The following RIMS1 variants were observed in gnomAD, a reference collection of about 807,000 sequenced individuals.
RIMS1 encodes the protein regulating synaptic membrane exocytosis protein 1.
A neutral mutation model predicts 214.1 loss-of-function variants in RIMS1; 83 were observed. That is an observed-to-expected ratio of 0.39 (90% CI 0.32 to 0.47). The LOEUF is 0.47. Among genes scored for constraint, RIMS1 ranks in the 20% least tolerant of loss-of-function variants. The probability of loss-of-function intolerance (pLI) is 0.99; values close to 1 mark genes in which losing one functional copy is unlikely to be tolerated. For missense variants in RIMS1, 2,050 were observed against 2,161.8 expected (o/e 0.95, Z 1.03); for synonymous variants, 793 against 786.8 (o/e 1.01, Z -0.13).
chr6:72,227,187 G>A (rs1271492413), intron 6 of RIMS1, among the ~76,000 whole-genome samples: 1 of 151,860 alleles, frequency 6.6e-6, no homozygotes, highest in Non-Finnish European at 1.5e-5. Context: ...ACATAATGAA[G>A]TTTTGTTGAT....
chr6:72,324,892 C>G (rs2096381145), intron 28 of RIMS1, among the ~76,000 whole-genome samples: 1 of 151,850 alleles, frequency 6.6e-6, no homozygotes, highest in Non-Finnish European at 1.5e-5. Flanking sequence ...TATTTACTAT[C>G]TGGCCCTTTA....
chr6:72,271,038 C>T (rs780040537), intron 22 of RIMS1, among the ~76,000 whole-genome samples: 7 of 151,810 alleles, frequency 4.6e-5, no homozygotes, highest in Non-Finnish European at 7.4e-5. Context: ...GAGGCTGAGG[C>T]GGGCAGATCA....
chr6:71,977,988 A>T (rs1371851660), intron 2 of RIMS1, among the ~76,000 whole-genome samples: 2 of 152,186 alleles, frequency 1.3e-5, no homozygotes, highest in East Asian at 3.8e-4. Flanking sequence ...TGTGGCAGTT[A>T]AGGCAAAATA....
At chr6:72,323,782 A>G (rs2096292085) in intron 28 of RIMS1, among the ~76,000 whole-genome samples, 1 of 151,970 alleles carries the variant, frequency 6.6e-6, no homozygotes, top group Non-Finnish European at 1.5e-5. Flanking sequence ...TAATCAAAGT[A>G]CAGAAAACTA....
chr6:72,165,424 A>G lies in RIMS1; in HGVS notation c.472-14151A>G, dbSNP rs190292734. On this transcript the variant is annotated intron_variant, in intron 4 of 33. Coordinates refer to ENST00000521978, the MANE Select transcript of RIMS1 (RefSeq NM_014989.7). Reference sequence around the variant, plus strand: ...AATATGTGCCTTACACATCCACTCCATTATCTCTGTATCTCCTGTGGGTCG... The same window carrying G: ...AATATGTGCCTTACACATCCACTCCGTTATCTCTGTATCTCCTGTGGGTCG... Among the ~76,000 whole-genome samples, 11 of 151,918 alleles carry G rather than the reference A, an allele frequency of 7.2e-5. No individual in the cohort carries two copies. In the East Asian group the frequency reaches 1.7e-3, roughly 24 times the overall value.
chr6:71,993,138 G>T (rs1802391830), intron 2 of RIMS1, among the ~76,000 whole-genome samples: 1 of 152,180 alleles, frequency 6.6e-6, no homozygotes, highest in Non-Finnish European at 1.5e-5. Context: ...AGGTAAAGCT[G>T]CTTCTTGATG....
chr6:72,004,514 C>T (rs1263137918), intron 2 of RIMS1, among the ~76,000 whole-genome samples: 2 of 151,090 alleles, frequency 1.3e-5, no homozygotes, highest in Admixed American at 6.6e-5. Context: ...TATTTCTCCA[C>T]ATCCTCTCCA....
At chr6:72,057,502 T>TTC (rs1826566515) in intron 2 of RIMS1, among the ~76,000 whole-genome samples, 1 of 149,558 alleles carries the variant, frequency 6.7e-6, no homozygotes, top group Non-Finnish European at 1.5e-5. Flanking sequence ...CTTTTTCTTT[T>TTC]TTTTTTTTTT....
chr6:72,114,657 A>T (rs2036726156), intron 4 of RIMS1, among the ~76,000 whole-genome samples: 1 of 151,922 alleles, frequency 6.6e-6, no homozygotes, highest in South Asian at 2.1e-4. Context: ...GCACTCAGTG[A>T]ACTTTGAATG....
In RIMS1 at chr6:72,177,859, A is replaced by C. The variant is rs568170024; in HGVS notation, c.472-1716A>C. On this transcript the variant is annotated intron_variant, in intron 4 of 33. Coordinates refer to ENST00000521978, the MANE Select transcript of RIMS1 (RefSeq NM_014989.7). ...ACTGCACCTTTTAATGTTACCCTTA[A>C]TATGTCCATGTTCAAACAATCAGGA... 2.0e-5 allele frequency among the ~76,000 whole-genome samples: 3 copies of C among 152,258 alleles called. No individual in the cohort carries two copies. In the East Asian group the frequency reaches 5.8e-4, roughly 29 times the overall value.
chr6:72,117,137 G>A lies in RIMS1; in HGVS notation c.471+17151G>A, dbSNP rs185357090. On this transcript the variant is annotated intron_variant, in intron 4 of 33. Transcript: ENST00000521978. ...AATCTTCTGAGGTGCTTGTTTAAAG[G>A]TAGATTTGTTGGTGTCACTCCCAGA... is the stretch of plus-strand genomic sequence containing the variant. Among the ~76,000 whole-genome samples, 30 of 151,996 alleles carry A rather than the reference G, an allele frequency of 2.0e-4. No individual in the cohort carries two copies. In the East Asian group the frequency reaches 5.6e-3, roughly 28 times the overall value.
intron 2 of RIMS1, among the ~76,000 whole-genome samples, chr6:72,083,381 A>C (rs1453422024): frequency 2.0e-5 from 3 of 152,054 alleles, no homozygotes; most frequent in African/African-American, 7.2e-5. Flanking sequence ...TGCCGAAAAA[A>C]TTTTCAGACA....
chr6:72,207,272 C>T (rs935351527), intron 6 of RIMS1, among the ~76,000 whole-genome samples: 1 of 152,176 alleles, frequency 6.6e-6, no homozygotes, highest in Admixed American at 6.5e-5. Flanking sequence ...CAGGTGGATA[C>T]ATATAAATAG....
intron 6 of RIMS1, among the ~76,000 whole-genome samples, chr6:72,184,218 A>G (rs1056779002): frequency 6.6e-6 from 1 of 152,232 alleles, no homozygotes; most frequent in Non-Finnish European, 1.5e-5. Flanking sequence ...ACAGAGTGTC[A>G]TTAGTGACAC....
chr6:71,928,267 T>A (rs1279667418), intron 1 of RIMS1, among the ~76,000 whole-genome samples: 2 of 152,146 alleles, frequency 1.3e-5, no homozygotes, highest in Admixed American at 6.5e-5. Context: ...TTTAAAAGAT[T>A]TAACAGTATA....
intron 2 of RIMS1, among the ~76,000 whole-genome samples, chr6:72,030,720 A>T (rs1319607887): frequency 6.6e-6 from 1 of 152,200 alleles, no homozygotes; most frequent in Non-Finnish European, 1.5e-5. Flanking sequence ...TTCAAAATCC[A>T]TGTGATCTTT....
chr6:71,970,294 A>C (rs1254927664), intron 2 of RIMS1, among the ~76,000 whole-genome samples: 1 of 152,208 alleles, frequency 6.6e-6, no homozygotes, highest in Non-Finnish European at 1.5e-5. Context: ...TTCTGACTGT[A>C]TGTAAAGCCA....
At chr6:72,156,639 C>T (rs577278938) in intron 4 of RIMS1, among the ~76,000 whole-genome samples, 5 of 140,036 alleles carry the variant, frequency 3.6e-5, no homozygotes, top group African/African-American at 9.8e-5. Context: ...CCCACACAGG[C>T]GGAGAAAAGA....
chr6:72,064,835 AT>A (rs1321213257), intron 2 of RIMS1, among the ~76,000 whole-genome samples: 3 of 152,074 alleles, frequency 2.0e-5, no homozygotes, highest in Non-Finnish European at 4.4e-5. Context: ...AAAATGATGA[AT>A]TTTGTTTGGG....
Sources: allele counts gnomAD v4.1 joint callset (sites outside exome capture counted in the v4.1 genomes callset), GRCh38; gene constraint gnomAD v4.1.1; transcripts MANE v1.5; gene names NCBI Gene and HGNC (gene_info 2026-07-23, HGNC 2026-07-21).